The following CACNA1C variants were observed in gnomAD, a reference collection of about 807,000 sequenced individuals.
CACNA1C encodes the protein voltage-dependent L-type calcium channel subunit alpha-1C.
In CACNA1C, 30 loss-of-function variants were observed where a neutral mutation model predicts 229.0. That is an observed-to-expected ratio of 0.13 (90% CI 0.10 to 0.18). The LOEUF is 0.18. Ranked by LOEUF, CACNA1C falls within the 10% of genes least tolerant of loss-of-function variation. The pLI, the probability that CACNA1C is intolerant of heterozygous loss-of-function variation, is 1.00. For missense variants in CACNA1C, 1,658 were observed against 2,845.0 expected, an observed-to-expected ratio of 0.58 and a Z score of 9.49; for synonymous variants, 1,114 against 1,132.5, an observed-to-expected ratio of 0.98 and a Z score of 0.33.
intron 5 of CACNA1C, among the ~76,000 whole-genome samples, chr12:2,473,582 T>C (rs1567895140): frequency 6.6e-6 from 1 of 152,158 alleles, no homozygotes; most frequent in Non-Finnish European, 1.5e-5. Flanking sequence ...ATTTGGAAAA[T>C]AACAACTTAG....
chr12:2,597,377 C>A lies in CACNA1C; in HGVS notation c.2853+88C>A, dbSNP rs779194507. 1.9e-5 allele frequency: 28 copies of A among 1,507,378 alleles called. No individual in the cohort carries two copies. The highest frequency in any genetic ancestry group is 5.0e-5 in the Admixed American group (3 of 59,854). 93.4% of individuals were successfully genotyped at this position (1,507,378 alleles called of 1,614,324 possible). On this transcript the variant is annotated intron_variant, in intron 21 of 46. Coordinates refer to ENST00000399655, the MANE Select transcript of CACNA1C (RefSeq NM_000719.7). This position sits in a 1 kb window ranked among gnomAD's most constrained non-coding sequence, Gnocchi z 4.3. Reference sequence around the variant, plus strand: ...CTGTCTGTCGCTAACACACATGCTCCTTCCTGTTGGTGTGGGGTTCACTCT... The same window carrying A: ...CTGTCTGTCGCTAACACACATGCTCATTCCTGTTGGTGTGGGGTTCACTCT...
intron 3 of CACNA1C, among the ~76,000 whole-genome samples, chr12:2,166,635 A>G (rs1056545306): frequency 1.3e-5 from 2 of 152,204 alleles, no homozygotes; most frequent in African/African-American, 4.8e-5. Context: ...CAGCAATGTA[A>G]TGTATCCCTC....
intron 3 of CACNA1C, among the ~76,000 whole-genome samples, chr12:2,264,792 C>A (rs1259991741): frequency 6.6e-6 from 1 of 152,194 alleles, no homozygotes; most frequent in African/African-American, 2.4e-5. Flanking sequence ...TTGATGGCCC[C>A]CCTTTGGCTT....
chr12:2,688,674 C>T lies in CACNA1C; in HGVS notation c.6012C>T (p.Gly2004=), dbSNP rs1258196827. The part of the protein sequence containing the change: ...SWAETTPGGG[G]SSAARRVRPV... The stretch of plus-strand genomic sequence containing the variant: ...CTGAGACCACCCCCGGTGGCGGGGG[C>T]AGCAGCGCCGCCCGGAGAGTCCGGC... Residue 2004 remains glycine, a synonymous_variant, in exon 46 of 47, where the codon GGC becomes GGT. Coordinates refer to ENST00000399655, the MANE Select transcript of CACNA1C (RefSeq NM_000719.7). 1.2e-6 allele frequency: 2 copies of T among 1,613,330 alleles called. No homozygotes were observed. Among genetic ancestry groups the T allele is most frequent in the Non-Finnish European group, 1.7e-6 (2 of 1,179,724 alleles).
upstream of CACNA1C, among the ~76,000 whole-genome samples, chr12:2,051,301 G>A (rs1320940732): frequency 6.6e-6 from 1 of 152,228 alleles, no homozygotes; most frequent in East Asian, 1.9e-4. Context: ...CAGCCAGGAG[G>A]CTAGTGTATC....
chr12:2,424,975 T>G (rs2099014918), intron 3 of CACNA1C, among the ~76,000 whole-genome samples: 1 of 152,228 alleles, frequency 6.6e-6, no homozygotes, highest in Non-Finnish European at 1.5e-5. Context: ...TGGACTCACC[T>G]GGGCGACTGT....
At chr12:2,191,638 A>G (rs1407123114) in intron 3 of CACNA1C, among the ~76,000 whole-genome samples, 1 of 151,374 alleles carries the variant, frequency 6.6e-6, no homozygotes, top group African/African-American at 2.4e-5. Flanking sequence ...ACAGGCACAC[A>G]TGTAAACAGG....
At position 2,630,752 on chromosome 12, in the gene CACNA1C, C is replaced by T. The variant is rs150639687; in HGVS notation, c.3829-3545C>T. ...AGGGCTGGGGCACAGGAGCTCTCAG[C>T]GACAAGGAACCTGGTTGGTTTCTGC... is the stretch of plus-strand genomic sequence containing the variant. On this transcript the variant is annotated intron_variant, in intron 29 of 46. Transcript: ENST00000399655. This position sits in a 1 kb window ranked among gnomAD's most constrained non-coding sequence, Gnocchi z 5.4. Among the ~76,000 whole-genome samples the T allele has an allele frequency of 9.3e-4, 141 of 152,272 alleles. No individual in the cohort carries two copies. The highest frequency in any genetic ancestry group is 2.8e-3 in the African/African-American group (117 of 41,542).
chr12:2,052,459 T>A (rs1338806834), upstream of CACNA1C, among the ~76,000 whole-genome samples: 1 of 151,962 alleles, frequency 6.6e-6, no homozygotes, highest in Non-Finnish European at 1.5e-5. Flanking sequence ...ATTGTATTCC[T>A]CCTCCTTGGA....
intron 9 of CACNA1C, among the ~76,000 whole-genome samples, chr12:2,540,834 C>T (rs1434471594): frequency 6.6e-6 from 1 of 152,198 alleles, no homozygotes; most frequent in African/African-American, 2.4e-5. Flanking sequence ...AGAGAACCGA[C>T]AGTGTCTTAG....
intron 1 of CACNA1C, among the ~76,000 whole-genome samples, chr12:2,008,903 G>A (rs747532038): frequency 4.6e-5 from 7 of 152,016 alleles, no homozygotes; most frequent in Admixed American, 1.3e-4. Flanking sequence ...CTAGGATGAC[G>A]CCAGCCTTCT....
At chr12:2,247,723 T>C (rs1394074998) in intron 3 of CACNA1C, among the ~76,000 whole-genome samples, 2 of 152,238 alleles carry the variant, frequency 1.3e-5, no homozygotes, top group African/African-American at 4.8e-5. Context: ...TTGTTCTTTT[T>C]CCTTCTAAAA....
chr12:2,257,047 A>G (rs2078192304), intron 3 of CACNA1C, among the ~76,000 whole-genome samples: 1 of 152,144 alleles, frequency 6.6e-6, no homozygotes, highest in South Asian at 2.1e-4. Context: ...TCTGCTCCAT[A>G]TTGTAGGGGA....
In CACNA1C at chr12:2,647,338, C is replaced by T. The variant is rs2094464199; in HGVS notation, c.3913-1137C>T. Among the ~76,000 whole-genome samples the T allele has an allele frequency of 6.6e-6, 1 of 152,224 alleles. No individual in the cohort carries two copies. Among genetic ancestry groups the T allele is most frequent in the African/African-American group, 2.4e-5 (1 of 41,462 alleles). ...AAGGGCACCTTCCCAGATCCAGGCT[C>T]CAGGAACTCGGGGAGAGGGCTGGCC... On this transcript the variant is annotated intron_variant, in intron 30 of 46. Coordinates refer to ENST00000399655, the MANE Select transcript of CACNA1C (RefSeq NM_000719.7). The surrounding 1 kb of genome is among the most constrained non-coding windows in gnomAD (Gnocchi z 4.2).
At chr12:2,376,973 C>T (rs975725478) in intron 3 of CACNA1C, among the ~76,000 whole-genome samples, 2 of 152,148 alleles carry the variant, frequency 1.3e-5, no homozygotes, top group African/African-American at 4.8e-5. Flanking sequence ...TCTGCTGGGG[C>T]CACCTGCTGC....
chr12:2,694,457 C>T lies in CACNA1C; in HGVS notation c.*3258C>T, dbSNP rs1033166892. 1.3e-5 allele frequency: 2 copies of T among 152,258 alleles called. No individual in the cohort carries two copies. Among genetic ancestry groups the T allele is most frequent in the Non-Finnish European group, 2.9e-5 (2 of 68,066 alleles). 9.4% of individuals were successfully genotyped at this position (152,258 alleles called of 1,614,324 possible). ...GTCAACTTAATTCTTGTCCTCCGAC[C>T]AGCCCTGCCTCTTTCATTTCCAGAC... On this transcript the variant is annotated 3_prime_UTR_variant, in exon 47 of 47. Coordinates refer to ENST00000399655, the MANE Select transcript of CACNA1C (RefSeq NM_000719.7).
At chr12:2,267,139 C>G (rs1276632360) in intron 3 of CACNA1C, among the ~76,000 whole-genome samples, 1 of 152,176 alleles carries the variant, frequency 6.6e-6, no homozygotes, top group African/African-American at 2.4e-5. Context: ...GCTGTGTTTC[C>G]AAAGCCCAGC....
chr12:2,074,539 ACTCCTCTGGGGT>A (rs1209035023), intron 1 of CACNA1C, among the ~76,000 whole-genome samples: 1 of 151,148 alleles, frequency 6.6e-6, no homozygotes, highest in East Asian at 2.0e-4. Context: ...ACTTGTTGCG[ACTCCTCTGGGGT>A]CTCCTCTGGG....
chr12:2,623,121 G>A (rs1215119528), intron 29 of CACNA1C, among the ~76,000 whole-genome samples: 1 of 152,220 alleles, frequency 6.6e-6, no homozygotes, highest in Non-Finnish European at 1.5e-5. Flanking sequence ...TTCAAGAACA[G>A]TCTAAGATGT....
Sources: allele counts gnomAD v4.1 joint callset (sites outside exome capture counted in the v4.1 genomes callset), GRCh38; gene constraint gnomAD v4.1.1; non-coding constraint Gnocchi (gnomAD v3.1); transcripts MANE v1.5; gene names NCBI Gene and HGNC (gene_info 2026-07-23, HGNC 2026-07-21).